The following ARHGEF1 variants were observed in gnomAD, a reference collection of about 807,000 sequenced individuals.
ARHGEF1 encodes 115 kDa guanine nucleotide exchange factor.
A neutral mutation model predicts 119.7 loss-of-function variants in ARHGEF1; 40 were observed. The observed-to-expected ratio is 0.33, with a 90% CI of 0.26 to 0.44. The LOEUF is 0.44. Ranked by LOEUF, ARHGEF1 falls within the 20% of genes least tolerant of loss-of-function variation. The pLI, the probability that ARHGEF1 is intolerant of heterozygous loss-of-function variation, is 1.00. For missense variants in ARHGEF1, 976 were observed against 1,268.3 expected, an observed-to-expected ratio of 0.77 and a Z score of 3.50; for synonymous variants, 494 against 521.0, an observed-to-expected ratio of 0.95 and a Z score of 0.71.
chr19:41,928,568 C>G (rs1165588765), intron 1 of ARHGEF1: 5 of 165,650 alleles, frequency 3.0e-5, no homozygotes, highest in African/African-American at 1.2e-4. Context: ...GCCGCCCGGC[C>G]GGGCTCGGCT....
upstream of ARHGEF1, among the ~76,000 whole-genome samples, chr19:41,922,024 C>T (rs1454123918): frequency 6.7e-6 from 1 of 149,510 alleles, no homozygotes; most frequent in Non-Finnish European, 1.5e-5. Flanking sequence ...CACTCCACAT[C>T]GGGCCCCACC....
At chr19:41,921,879 C>G (rs952857809), upstream of ARHGEF1, among the ~76,000 whole-genome samples, 210 of 151,848 alleles carry the variant, frequency 1.4e-3, no homozygotes, top group African/African-American at 4.8e-3. This position sits in a 1 kb window ranked among gnomAD's most constrained non-coding sequence, Gnocchi z 4.4. Context: ...CCACCCTACC[C>G]CTCCTCCTCC....
rs782333841 is a variant in ARHGEF1, at chr19:41,902,667, G to T, written c.1623+9G>T. 6.2e-7 allele frequency: 1 copy of T among 1,614,022 alleles called. No individual in the cohort carries two copies. Among genetic ancestry groups the T allele is most frequent in the Admixed American group, 1.7e-5 (1 of 60,002 alleles). ...TCTGTGCCTTCGTGCAGGTGAGGTGGGGTCTGGACTCCAGCTTCCCAGGGA... is the reference window on the plus strand; with the variant it reads ...TCTGTGCCTTCGTGCAGGTGAGGTGTGGTCTGGACTCCAGCTTCCCAGGGA... On this transcript the variant is annotated intron_variant, in intron 17 of 28. Coordinates refer to ENST00000354532, the MANE Select transcript of ARHGEF1 (RefSeq NM_004706.4). The surrounding 1 kb of genome is among the most constrained non-coding windows in gnomAD (Gnocchi z 6.5).
At chr19:41,908,400 C>T (rs1224336705), downstream of ARHGEF1, 23 of 1,231,166 alleles carry the variant, frequency 1.9e-5, no homozygotes, top group East Asian at 6.0e-4. The surrounding 1 kb of genome is among the most constrained non-coding windows in gnomAD (Gnocchi z 6.7). Context: ...CAGCGCCAGG[C>T]GAGGGGCCGC....
At position 41,889,437 on chromosome 19, in the gene ARHGEF1, G is replaced by A. The variant is rs1425908378; in HGVS notation, c.225+572G>A. On this transcript the variant is annotated intron_variant, in intron 4 of 28. Coordinates refer to ENST00000354532, the MANE Select transcript of ARHGEF1 (RefSeq NM_004706.4). The surrounding 1 kb of genome is among the most constrained non-coding windows in gnomAD (Gnocchi z 4.0). Reference sequence around the variant, plus strand: ...TCCGGATGAGGCAGAAGATACCTGGGAGATGTGGATGGACAACCGTGCCAT... The same window carrying A: ...TCCGGATGAGGCAGAAGATACCTGGAAGATGTGGATGGACAACCGTGCCAT... The A allele has an allele frequency of 6.6e-6, 1 of 152,400 alleles. No homozygotes were observed. The highest frequency in any genetic ancestry group is 6.5e-5 in the Admixed American group (1 of 15,290). 9.4% of individuals were successfully genotyped at this position (152,400 alleles called of 1,614,324 possible).
Position 41,916,947 on chromosome 19 carries a change from C to T in ARHGEF1, c.1866-6145C>T, listed in dbSNP as rs112354043. ...CCAAGGCCCCTGCCACTCCTGCTCC[C>T]ACCATCCCCATCTGTCTGCCTGTCC... On this transcript the variant is annotated intron_variant, in intron 18 of 20. Coordinates refer to the ARHGEF1 transcript ENST00000599589. This position sits in a 1 kb window ranked among gnomAD's most constrained non-coding sequence, Gnocchi z 5.4. Among the ~76,000 whole-genome samples the T allele has an allele frequency of 2.0e-5, 3 of 152,344 alleles. No homozygotes were observed. Among genetic ancestry groups the T allele is most frequent in the African/African-American group, 7.2e-5 (3 of 41,582 alleles).
intron 8 of ARHGEF1, 90 bp downstream of exon 8, chr19:41,893,393 G>A: frequency 9.6e-7 from 1 of 1,045,476 alleles, no homozygotes; most frequent in Non-Finnish European, 1.3e-6. Flanking sequence ...GGAGGAGGAG[G>A]CTGGGGGGCC....
At chr19:41,887,982 C>T in intron 1 of ARHGEF1, 82 bp from the exon 2 acceptor site, 1 of 1,477,942 alleles carries the variant, frequency 6.8e-7, no homozygotes, top group Non-Finnish European at 9.1e-7. Context: ...CTCACCTTCA[C>T]ACCTGGGCCA....
chr19:41,925,889 G>C (rs1465991509), intron 1 of ARHGEF1, among the ~76,000 whole-genome samples: 1 of 152,058 alleles, frequency 6.6e-6, no homozygotes, highest in Admixed American at 6.6e-5. Context: ...GTGAGGGCCA[G>C]GAGGCTGGGG....
At position 41,894,455 on chromosome 19, in the gene ARHGEF1, TG is replaced by T; in HGVS notation, c.753del (p.Asn252ThrfsTer14). 1 of 1,560,130 alleles carries T rather than the reference TG, an allele frequency of 6.4e-7. No individual in the cohort carries two copies. Among genetic ancestry groups the T allele is most frequent in the Non-Finnish European group, 8.7e-7 (1 of 1,151,036 alleles). ...SGRNFFRKKV[M>X]GNRRSDEPAK... ...TTCCTCCCCGCCCTCTCACAGGTGA[TG>T]GGGAACCGGCGGTCGGACGAGCCTG... On this transcript the variant is annotated frameshift_variant, in exon 10 of 29. Transcript: ENST00000354532. LOFTEE classifies it high-confidence loss of function.
rs2074622718 is a variant in ARHGEF1, at chr19:41,902,628, C to T, written c.1593C>T (p.Arg531=). 2.5e-6 allele frequency: 4 copies of T among 1,614,232 alleles called. No individual in the cohort carries two copies. Among genetic ancestry groups the T allele is most frequent in the Non-Finnish European group, 3.4e-6 (4 of 1,180,038 alleles). The change falls in exon 17 of 29, where the codon CGC becomes CGT. Residue 531 remains arginine, a synonymous_variant. Transcript: ENST00000354532. This position sits in a 1 kb window ranked among gnomAD's most constrained non-coding sequence, Gnocchi z 6.5. ...TAGAGCAGCTCAAAGCCAAGCAACG[C>T]AAGGACCCTCGGTTCTGTGCCTTCG... ...FALEQLKAKQ[R]KDPRFCAFVQ...
chr19:41,896,837 C>T (rs2074503355), intron 13 of ARHGEF1: 1 of 351,508 alleles, frequency 2.8e-6, no homozygotes, highest in Admixed American at 2.9e-5. Flanking sequence ...CCCATCCTCT[C>T]TCACCTCCCC....
rs549521537 is a variant in ARHGEF1, at chr19:41,903,484, A to G, written c.1839+77A>G. ...GGGTGGACCCTACCTCAGCCTGTCC[A>G]GAAGTCACACCCCACCCCTTGGCTT... On this transcript the variant is annotated intron_variant, in intron 19 of 28. Transcript: ENST00000354532. The surrounding 1 kb of genome is among the most constrained non-coding windows in gnomAD (Gnocchi z 4.2). 1.2e-5 allele frequency: 17 copies of G among 1,418,140 alleles called. No homozygotes were observed. In the African/African-American group the frequency reaches 2.4e-4, roughly 20 times the overall value. 87.8% of individuals were successfully genotyped at this position (1,418,140 alleles called of 1,614,324 possible).
rs200140005 is a variant in ARHGEF1 at position 41,898,529 on chromosome 19, C to T, written c.1209C>T (p.Pro403=). Residue 403 remains proline (P), a synonymous_variant, in exon 14 of 29, where the codon CCC becomes CCT. Transcript: ENST00000354532. The stretch of plus-strand genomic sequence containing the variant: ...CTCCCGGCTGGCGGGAACTCGTCCC[C>T]CCAGACACCCTGCACAGCCTGCCCA... ...EEPPGWRELV[P]PDTLHSLPKS... is the part of the protein sequence containing the mutation. 2 of 1,566,930 alleles carry T rather than the reference C, an allele frequency of 1.3e-6. No homozygotes were observed. Among genetic ancestry groups the T allele is most frequent in the African/African-American group, 1.4e-5 (1 of 73,770 alleles).
Position 41,893,292 on chromosome 19 carries a change from C to T in ARHGEF1, c.633C>T (p.Asp211=), listed in dbSNP as rs782631572. The T allele has an allele frequency of 2.5e-5, 41 of 1,609,374 alleles. No homozygotes were observed. In the East Asian group the frequency reaches 3.6e-4, roughly 14 times the overall value. ...LEEMQHTIST[D]EEKSAAVVNA... ...CCTACAGACATACCATCTCTACCGA[C>T]GAAGAAAAGAGGTGAGGGGGGCAGG... is the stretch of plus-strand genomic sequence containing the variant. The change falls in exon 8 of 29, where the codon GAC becomes GAT. Residue 211 remains aspartate, a synonymous_variant. Transcript: ENST00000354532.
At position 41,892,440 on chromosome 19, in the gene ARHGEF1, G is replaced by A; in HGVS notation, c.367+67G>A. 1 of 1,608,180 alleles carries A rather than the reference G, an allele frequency of 6.2e-7. No individual in the cohort carries two copies. The highest frequency in any genetic ancestry group is 8.5e-7 in the Non-Finnish European group (1 of 1,175,386). On this transcript the variant is annotated intron_variant, in intron 6 of 28. Transcript: ENST00000354532. The surrounding 1 kb of genome is among the most constrained non-coding windows in gnomAD (Gnocchi z 6.3). ...ACCACACCTCCCAGGAGGCCAAGGG[G>A]AGGGAGGCCGCACTCCCATGCTCTG...
chr19:41,897,168 GGGGCCCT>G (rs1367325805), intron 13 of ARHGEF1: 59 of 714,172 alleles, frequency 8.3e-5, no homozygotes, highest in Non-Finnish European at 1.2e-4. Flanking sequence ...CTGTGCCCTG[GGGGCCCT>G]GTCCCCCTTA....
downstream of ARHGEF1, among the ~76,000 whole-genome samples, chr19:41,911,540 G>T (rs1555851253): frequency 6.6e-6 from 1 of 152,220 alleles, no homozygotes; most frequent in East Asian, 1.9e-4. Context: ...GCTGCCTGGT[G>T]TAGAAAAGTG....
downstream of ARHGEF1, chr19:41,907,572 A>ATTCG: frequency 1.6e-6 from 1 of 635,658 alleles, no homozygotes; most frequent in Non-Finnish European, 2.6e-6. Context: ...TCATTCATTC[A>ATTCG]TTCATTCATT....
Sources: gnomAD v4.1 joint callset for allele counts (sites outside exome capture counted in the v4.1 genomes callset) on GRCh38, gnomAD v4.1.1 for gene constraint, Gnocchi (gnomAD v3.1) non-coding constraint, MANE v1.5 for transcripts, NCBI Gene and HGNC (gene_info 2026-07-23, HGNC 2026-07-21) for gene names.